Variants in ERCC5 observed in about 807,000 individuals in gnomAD.
The protein encoded by ERCC5 is DNA excision repair protein ERCC-5.
A neutral mutation model predicts 105.6 loss-of-function variants in ERCC5; 68 were observed. The observed-to-expected ratio is 0.64, with a 90% CI of 0.53 to 0.79. ERCC5 has a LOEUF of 0.79. Ranked by LOEUF, ERCC5 falls within the 30% of genes least tolerant of loss-of-function variation. The pLI is 0.00. For missense variants in ERCC5, 1,373 were observed against 1,426.7 expected (o/e 0.96, Z 0.61); for synonymous variants, 546 against 526.2 (o/e 1.04, Z -0.51).
At position 102,862,085 on chromosome 13, in the gene ERCC5, C is replaced by T. The variant is rs1442475134; in HGVS notation, c.936C>T (p.Ser312=). The T allele has an allele frequency of 1.9e-6, 3 of 1,614,182 alleles. No individual in the cohort carries two copies. The highest frequency in any genetic ancestry group is 2.5e-6 in the Non-Finnish European group (3 of 1,180,024). Residue 312 remains serine (S), a synonymous_variant, in exon 8 of 15, where the codon AGC becomes AGT. Transcript: ENST00000652225. ...ATTCAGAGTCTCTTCCTTCTTCCAG[C>T]AAAATGCACGGCATGTCTTTTGACG... The part of the protein sequence containing the change: ...EVDSESLPSS[S]KMHGMSFDVK...
intron 5 of ERCC5, among the ~76,000 whole-genome samples, chr13:102,856,700 T>C (rs1882434402): frequency 6.6e-6 from 1 of 152,010 alleles, no homozygotes; most frequent in Non-Finnish European, 1.5e-5. Context: ...AGCCAGTCTG[T>C]AGCTGGGGCT....
At chr13:102,871,217 A>G (rs1292577475) in intron 12 of ERCC5, among the ~76,000 whole-genome samples, 1 of 152,160 alleles carries the variant, frequency 6.6e-6, no homozygotes, top group African/African-American at 2.4e-5. Flanking sequence ...CAAGAGCAGG[A>G]GGTCCAGGGG....
chr13:102,870,103 G>T (rs1013780241), intron 12 of ERCC5, among the ~76,000 whole-genome samples: 11 of 152,202 alleles, frequency 7.2e-5, no homozygotes, highest in African/African-American at 2.7e-4. Flanking sequence ...TTTGTTTTCT[G>T]TTCTCCTCTT....
At chr13:102,868,622 C>A (rs1003538302) in intron 12 of ERCC5, among the ~76,000 whole-genome samples, 4 of 152,262 alleles carry the variant, frequency 2.6e-5, no homozygotes, top group Admixed American at 6.5e-5. Context: ...AAGGACTCCC[C>A]CCATATACTT....
chr13:102,861,898 A>G, intron 7 of ERCC5, 132 bp from the exon 8 acceptor site: 1 of 1,391,986 alleles, frequency 7.2e-7, no homozygotes, highest in Non-Finnish European at 1.0e-6. Flanking sequence ...TAATGAATTA[A>G]CTCCTAGTTG....
Position 102,854,319 on chromosome 13 carries a change from C to A in ERCC5, c.412C>A (p.Arg138=). 1 of 1,614,028 alleles carries A rather than the reference C, an allele frequency of 6.2e-7. No homozygotes were observed. Among genetic ancestry groups the A allele is most frequent in the South Asian group, 1.1e-5 (1 of 91,068 alleles). The change falls in exon 4 of 15, where the codon CGA becomes AGA. Residue 138 remains arginine, a synonymous_variant. Transcript: ENST00000652225. ...AGCACTACCCAGTCTTACCCAAGTTCGAAGAGAAAACGACCTCTATGTTTT... is the reference window on the plus strand; with the variant it reads ...AGCACTACCCAGTCTTACCCAAGTTAGAAGAGAAAACGACCTCTATGTTTT... ...DEALPSLTQV[R]RENDLYVLPP...
intron 5 of ERCC5, among the ~76,000 whole-genome samples, chr13:102,857,345 A>C (rs1882463262): frequency 1.3e-5 from 2 of 152,198 alleles, no homozygotes; most frequent in Admixed American, 6.5e-5. Flanking sequence ...ACACAGATTA[A>C]ATTCTCCAAG....
At chr13:102,864,037 G>T (rs2140529669) in intron 8 of ERCC5, among the ~76,000 whole-genome samples, 1 of 151,552 alleles carries the variant, frequency 6.6e-6, no homozygotes, top group African/African-American at 2.4e-5. Flanking sequence ...TATGCACATA[G>T]ATATGTTTAG....
At chr13:102,849,077 A>T (rs1395249664) in intron 1 of ERCC5, 3 of 504,580 alleles carry the variant, frequency 5.9e-6, no homozygotes, top group Non-Finnish European at 1.2e-5. Context: ...AGTAGAAACT[A>T]ATTTAATCCT....
In ERCC5 at chr13:102,873,946, A is replaced by G. The variant is rs1263043291; in HGVS notation, c.2964+603A>G. Among the ~76,000 whole-genome samples, 5 of 152,232 alleles carry G rather than the reference A, an allele frequency of 3.3e-5. No homozygotes were observed. The East Asian group carries it at 9.6e-4, about 29-fold the overall frequency. On this transcript the variant is annotated intron_variant, in intron 14 of 14. Transcript: ENST00000652225. The stretch of plus-strand genomic sequence containing the variant: ...ACAAATAAACCACTTAGCAGAAATG[A>G]GAATGTAGCTTTTGTGATAATATAT...
chr13:102,848,605 ATGT>A (rs1447752375), intron 1 of ERCC5, among the ~76,000 whole-genome samples: 1 of 152,190 alleles, frequency 6.6e-6, no homozygotes, highest in East Asian at 1.9e-4. Context: ...TTGTATTGAA[ATGT>A]TATTGGTCTT....
At position 102,862,603 on chromosome 13, in the gene ERCC5, C is replaced by T. The variant is rs773911291; in HGVS notation, c.1454C>T (p.Ala485Val). The T allele has an allele frequency of 1.2e-6, 2 of 1,614,116 alleles. No homozygotes were observed. The highest frequency in any genetic ancestry group is 1.7e-5 in the Admixed American group (1 of 60,000). ...TCACTTGTTCACGTGGGGACTGAAG[C>T]CTTTCCGATAAGTGATGAGTCTATG... is the stretch of plus-strand genomic sequence containing the variant. Reference protein sequence around the residue: ...QMSLVHVGTEAFPISDESMIK... With the variant: ...QMSLVHVGTEVFPISDESMIK... The change falls in exon 8 of 15, where the codon GCC becomes GTC. Residue 485 changes from alanine to valine, a missense_variant. Coordinates refer to ENST00000652225, the MANE Select transcript of ERCC5 (RefSeq NM_000123.4).
chr13:102,846,771 A>G (rs935510791), intron 1 of ERCC5, among the ~76,000 whole-genome samples: 1 of 152,090 alleles, frequency 6.6e-6, no homozygotes, highest in Non-Finnish European at 1.5e-5. Context: ...TCCATCGCAA[A>G]TATTTTTGAT....
chr13:102,853,816 G>A lies in ERCC5; in HGVS notation c.324G>A (p.Lys108=), dbSNP rs748793664. The A allele has an allele frequency of 1.2e-6, 2 of 1,614,184 alleles. No individual in the cohort carries two copies. Among genetic ancestry groups the A allele is most frequent in the Admixed American group, 3.3e-5 (2 of 60,018 alleles). ...GTGACTCCAGGAAAACGACAGAGAA[G>A]CTTCTGAAAACATTTTTGAAAAGAC... ...ASSDSRKTTE[K]LLKTFLKRQA... is the part of the protein sequence containing the mutation. Residue 108 remains lysine (K), a synonymous_variant, in exon 3 of 15, where the codon AAG becomes AAA. Coordinates refer to ENST00000652225, the MANE Select transcript of ERCC5 (RefSeq NM_000123.4).
chr13:102,849,444 G>A (rs1882112344), intron 1 of ERCC5: 1 of 518,842 alleles, frequency 1.9e-6, no homozygotes, highest in Non-Finnish European at 3.8e-6. Flanking sequence ...ATTGTTTGGT[G>A]TATATCCCTA....
chr13:102,869,174 CG>C (rs1180153287), intron 12 of ERCC5, among the ~76,000 whole-genome samples: 1 of 152,114 alleles, frequency 6.6e-6, no homozygotes, highest in Non-Finnish European at 1.5e-5. Flanking sequence ...AAATGAACGG[CG>C]AAACTGTTGT....
intron 9 of ERCC5, 95 bp downstream of exon 9, chr13:102,866,006 C>T: frequency 6.2e-7 from 1 of 1,604,820 alleles, no homozygotes; most frequent in Non-Finnish European, 8.5e-7. Context: ...TATTTAGTAG[C>T]TATTTGCAGT....
In ERCC5 at chr13:102,851,854, A is replaced by G. The variant is rs570392068; in HGVS notation, c.89-264A>G. Among the ~76,000 whole-genome samples the G allele has an allele frequency of 1.3e-4, 20 of 152,222 alleles. No individual in the cohort carries two copies. The East Asian group carries it at 2.9e-3, about 22-fold the overall frequency. ...TCACTTATTTTTTTTTAAAGAAGCA[A>G]TTCTTTGCAATGAGACTTCTTAAAA... On this transcript the variant is annotated intron_variant, in intron 1 of 14. Transcript: ENST00000652225.
chr13:102,852,213 C>T lies in ERCC5; in HGVS notation c.184C>T (p.Leu62Phe). The T allele has an allele frequency of 6.2e-7, 1 of 1,614,104 alleles. No homozygotes were observed. The highest frequency in any genetic ancestry group is 8.5e-7 in the Non-Finnish European group (1 of 1,180,008). Residue 62 changes from leucine to phenylalanine, a missense_variant, in exon 2 of 15, where the codon CTC becomes TTC. Leu to Phe is a conservative substitution (Grantham distance 22, BLOSUM62 0). This residue lies in a region of ERCC5 where 1,004 missense variants were observed against 1,059.7 expected (regional missense o/e 0.95). Transcript: ENST00000652225. ...NPHLLTLFHR[L>F]CKLLFFRIRP... ...TCATCTTCTCACTTTGTTTCATCGG[C>T]TCTGCAAACTCTTATTTTTTCGAAT...
Sources: allele counts gnomAD v4.1 joint callset (sites outside exome capture counted in the v4.1 genomes callset), GRCh38; gene constraint gnomAD v4.1.1; regional missense constraint gnomAD v4.1.1; transcripts MANE v1.5; gene names NCBI Gene and HGNC (gene_info 2026-07-23, HGNC 2026-07-21).